Variants in ABAT observed in about 807,000 individuals in gnomAD.
ABAT encodes 4-aminobutyrate aminotransferase, mitochondrial.
Under a neutral mutation model 64.6 loss-of-function variants are expected in ABAT, and 45 were observed. That is an observed-to-expected ratio of 0.70 (90% confidence interval 0.55 to 0.89). The LOEUF (loss-of-function observed/expected upper bound fraction) is 0.89, where lower values mean the gene tolerates loss of function less well. Ranked by LOEUF, ABAT falls within the 40% of genes least tolerant of loss-of-function variation. ABAT has a pLI of 0.00. For synonymous variants in ABAT, 297 were observed against 250.5 expected (o/e 1.19, Z -1.75); for missense variants, 633 against 658.4 (o/e 0.96, Z 0.42).
chr16:8,779,968 A>G (rs145004416), intron 15 of ABAT, among the ~76,000 whole-genome samples: 1 of 152,304 alleles, frequency 6.6e-6, no homozygotes, highest in East Asian at 1.9e-4. Context: ...AAACGCAGCT[A>G]AGAGAGCAGA....
At chr16:8,766,121 C>G in intron 8 of ABAT, 87 bp from the exon 9 acceptor site, 1 of 1,289,514 alleles carries the variant, frequency 7.8e-7, no homozygotes, top group Non-Finnish European at 1.1e-6. Context: ...TTCTACTTGT[C>G]TGGACTGAAT....
At chr16:8,727,421 C>A (rs1469996167) in intron 1 of ABAT, among the ~76,000 whole-genome samples, 1 of 152,184 alleles carries the variant, frequency 6.6e-6, no homozygotes, top group African/African-American at 2.4e-5. Flanking sequence ...CTTATCCCTG[C>A]TTTCTTCATT....
intron 2 of ABAT, among the ~76,000 whole-genome samples, chr16:8,740,504 C>A (rs950530020): frequency 6.6e-6 from 1 of 152,098 alleles, no homozygotes; most frequent in African/African-American, 2.4e-5. Context: ...GATACGTGGA[C>A]CTCTTCACAG....
At chr16:8,696,017 T>C (rs1159844737) in intron 1 of ABAT, among the ~76,000 whole-genome samples, 1 of 152,158 alleles carries the variant, frequency 6.6e-6, no homozygotes, top group Non-Finnish European at 1.5e-5. Context: ...GCCTCCAGAG[T>C]GGATCCCGCT....
chr16:8,766,957 A>G (rs2059963884), intron 9 of ABAT, among the ~76,000 whole-genome samples: 1 of 152,154 alleles, frequency 6.6e-6, no homozygotes, highest in Non-Finnish European at 1.5e-5. Flanking sequence ...GCGACAGAGC[A>G]AGACTCCATC....
At chr16:8,696,341 G>C (rs544371273) in intron 1 of ABAT, among the ~76,000 whole-genome samples, 62 of 152,306 alleles carry the variant, frequency 4.1e-4, no homozygotes, top group Admixed American at 1.6e-3. Context: ...TTTGGGATCA[G>C]GCTAGGCGTG....
intron 1 of ABAT, among the ~76,000 whole-genome samples, chr16:8,695,228 A>T (rs1596402721): frequency 1.3e-5 from 2 of 152,334 alleles, no homozygotes; most frequent in Admixed American, 1.3e-4. Context: ...TGCTGAGTCT[A>T]CAAGACATCT....
chr16:8,743,007 TAAAAAAAA>T (rs71152928), intron 2 of ABAT, among the ~76,000 whole-genome samples: 18 of 124,246 alleles, frequency 1.4e-4, no homozygotes, highest in Middle Eastern at 4.3e-3. Flanking sequence ...CTCATTTCTT[TAAAAAAAA>T]AAAAAAAAAA....
intron 6 of ABAT, among the ~76,000 whole-genome samples, chr16:8,759,199 C>G (rs1036892812): frequency 6.6e-6 from 1 of 152,074 alleles, no homozygotes; most frequent in Non-Finnish European, 1.5e-5. Flanking sequence ...TCCCATGTAA[C>G]CAAAGTTTCA....
intron 5 of ABAT, among the ~76,000 whole-genome samples, chr16:8,756,029 A>G (rs2059639770): frequency 6.6e-6 from 1 of 151,390 alleles, no homozygotes; most frequent in South Asian, 2.1e-4. Context: ...AGCCTGGGCA[A>G]CAGAGCGAGA....
chr16:8,721,821 C>T (rs771094444), intron 1 of ABAT, among the ~76,000 whole-genome samples: 2 of 152,068 alleles, frequency 1.3e-5, no homozygotes, highest in South Asian at 2.1e-4. Context: ...ACCAGACACA[C>T]GAAGGAAGCA....
At chr16:8,754,663 TTTATTTATTTCTTTCTTTCTTTC>T (rs1292456782) in intron 5 of ABAT, among the ~76,000 whole-genome samples, 9 of 22,188 alleles carry the variant, frequency 4.1e-4, no homozygotes, top group Non-Finnish European at 4.9e-4. Context: ...AGCAAGTTGA[TTTATTTATTTCTTTCTTTCTTTC>T]TTTCTTTCTT....
Position 8,766,271 on chromosome 16 carries a change from G to T in ABAT, c.603+1G>T. The T allele has an allele frequency of 6.2e-7, 1 of 1,613,798 alleles. No homozygotes were observed. Among genetic ancestry groups the T allele is most frequent in the Non-Finnish European group, 8.5e-7 (1 of 1,179,746 alleles). ...GCTGGAGACGTGCATGATTAACCAG[G>T]TGAGTGCAGCTGGGCTTGCACCACG... On this transcript the variant is annotated splice_donor_variant, in intron 9 of 15. Transcript: ENST00000268251. LOFTEE classifies it high-confidence loss of function.
At chr16:8,735,927 G>A in intron 2 of ABAT, 118 bp downstream of exon 2, 2 of 856,190 alleles carry the variant, frequency 2.3e-6, no homozygotes, top group Non-Finnish European at 3.8e-6. Flanking sequence ...GTGTTTCTGG[G>A]ACTGTCCCAC....
chr16:8,736,015 G>T, intron 2 of ABAT: 1 of 568,562 alleles, frequency 1.8e-6, no homozygotes, highest in South Asian at 2.0e-5. Flanking sequence ...AGGTTTAATG[G>T]TCTCACAGTT....
At chr16:8,717,069 C>T (rs2058234960) in intron 1 of ABAT, among the ~76,000 whole-genome samples, 1 of 152,184 alleles carries the variant, frequency 6.6e-6, no homozygotes, top group African/African-American at 2.4e-5. Flanking sequence ...GCGGGTGGAT[C>T]ACTTGAGGTC....
chr16:8,770,158 G>A (rs2060061486), intron 11 of ABAT, among the ~76,000 whole-genome samples: 1 of 152,172 alleles, frequency 6.6e-6, no homozygotes, highest in African/African-American at 2.4e-5. Context: ...TTGTTTTTGA[G>A]ATGGAGTCTA....
chr16:8,709,330 T>C (rs975881632), intron 1 of ABAT, among the ~76,000 whole-genome samples: 1 of 152,048 alleles, frequency 6.6e-6, no homozygotes, highest in African/African-American at 2.4e-5. Flanking sequence ...AAATTTTTAA[T>C]TGGCACATGT....
chr16:8,682,958 C>A (rs544502814), intron 1 of ABAT, among the ~76,000 whole-genome samples: 2 of 152,258 alleles, frequency 1.3e-5, no homozygotes, highest in Admixed American at 6.5e-5. Flanking sequence ...GATCTGTAAA[C>A]CCCACACTCA....
Sources: allele counts gnomAD v4.1 joint callset (sites outside exome capture counted in the v4.1 genomes callset), GRCh38; gene constraint gnomAD v4.1.1; transcripts MANE v1.5; gene names NCBI Gene and HGNC (gene_info 2026-07-23, HGNC 2026-07-21).